The following FREM2 variants were observed in gnomAD, a reference collection of about 807,000 sequenced individuals.
The protein encoded by FREM2 is FRAS1-related extracellular matrix protein 2.
FREM2 carries 119 observed loss-of-function variants against 219.9 expected under a neutral mutation model. The observed-to-expected ratio is 0.54, with a 90% CI of 0.47 to 0.63. The LOEUF (loss-of-function observed/expected upper bound fraction) is 0.63. Ranked by LOEUF, FREM2 falls within the 30% of genes least tolerant of loss-of-function variation. The pLI is 0.00. For synonymous variants in FREM2, 1,562 were observed against 1,522.8 expected (o/e 1.03, Z -0.60); for missense variants, 4,030 against 3,993.6 (o/e 1.01, Z -0.25).
chr13:38,691,664 A>G lies in FREM2; in HGVS notation c.4320A>G (p.Thr1440=), dbSNP rs775485162. The G allele has an allele frequency of 6.2e-7, 1 of 1,614,062 alleles. No homozygotes were observed. The highest frequency in any genetic ancestry group is 8.5e-7 in the Non-Finnish European group (1 of 1,180,030). ...AAGAAGGTGGCAAAGTCACTCTTAC[A>G]ACAGACCTACTAAGCACTAGTGACT... The part of the protein sequence containing the change: ...SLKEGGKVTL[T]TDLLSTSDLN... The change falls in exon 1 of 24, where the codon ACA becomes ACG. Residue 1440 remains threonine, a synonymous_variant. Transcript: ENST00000280481.
intron 6 of FREM2, among the ~76,000 whole-genome samples, chr13:38,786,549 A>G (rs1405822026): frequency 6.6e-6 from 1 of 152,212 alleles, no homozygotes; most frequent in African/African-American, 2.4e-5. Context: ...TCATTTCAGA[A>G]AAATCTAATA....
chr13:38,797,342 C>T (rs775291835), intron 6 of FREM2, among the ~76,000 whole-genome samples: 4 of 152,060 alleles, frequency 2.6e-5, no homozygotes, highest in African/African-American at 9.6e-5. Flanking sequence ...TTTACATTTC[C>T]CTGATGCTTA....
chr13:38,832,662 T>C (rs911655026), intron 6 of FREM2, among the ~76,000 whole-genome samples: 1 of 152,126 alleles, frequency 6.6e-6, no homozygotes, highest in Non-Finnish European at 1.5e-5. Flanking sequence ...CAATATAACA[T>C]AAAATGTGCT....
rs777727874 is a variant in FREM2 at position 38,859,436 on chromosome 13, C to T, written c.7365C>T (p.Phe2455=). The change falls in exon 14 of 24, where the codon TTC becomes TTT. Residue 2455 remains phenylalanine, a synonymous_variant. Coordinates refer to ENST00000280481, the MANE Select transcript of FREM2 (RefSeq NM_207361.6). ...CCAGCCCTATGAGAGAAGTGGACTT[C>T]GACACCTTTTTTACGTCATCCAAGA... ...GVTSPMREVD[F]DTFFTSSKMV... is the part of the protein sequence containing the mutation. The T allele has an allele frequency of 7.4e-6, 12 of 1,613,980 alleles. No homozygotes were observed. Among genetic ancestry groups the T allele is most frequent in the East Asian group, 6.7e-5 (3 of 44,884 alleles).
intron 2 of FREM2, among the ~76,000 whole-genome samples, chr13:38,700,291 TG>T (rs1259663259): frequency 2.0e-5 from 3 of 152,110 alleles, no homozygotes; most frequent in African/African-American, 7.2e-5. Context: ...AATGGATTAG[TG>T]ACTATCCATT....
chr13:38,818,935 C>T (rs1875884325), intron 6 of FREM2, among the ~76,000 whole-genome samples: 1 of 151,922 alleles, frequency 6.6e-6, no homozygotes, highest in South Asian at 2.1e-4. Flanking sequence ...GTTCTCATCA[C>T]AAAGAGATAA....
chr13:38,821,943 T>C lies in FREM2; in HGVS notation c.6020-24630T>C, dbSNP rs1436185719. On this transcript the variant is annotated intron_variant, in intron 6 of 23. Transcript: ENST00000280481. ...GGCCAGTTCTCTTCCACACAAAGAA[T>C]GGAGGAGTCTGAATCATTGAGTGGG... 8.5e-5 allele frequency: 13 copies of C among 152,230 alleles called. No homozygotes were observed. The East Asian group carries it at 2.5e-3, about 30-fold the overall frequency. The allele number at this position is 152,230 out of a possible 1,614,324, so 9.4% of individuals were successfully genotyped here.
At chr13:38,697,101 G>A (rs1030750382) in intron 1 of FREM2, among the ~76,000 whole-genome samples, 7 of 152,016 alleles carry the variant, frequency 4.6e-5, no homozygotes, top group East Asian at 1.9e-4. Context: ...TGTCCAGCCC[G>A]TTTCCACTTT....
chr13:38,806,009 T>G (rs1875210900), intron 6 of FREM2, among the ~76,000 whole-genome samples: 1 of 151,882 alleles, frequency 6.6e-6, no homozygotes, highest in African/African-American at 2.4e-5. Context: ...CATCTTTTTT[T>G]TTTTTTGTAA....
intron 6 of FREM2, among the ~76,000 whole-genome samples, chr13:38,801,945 C>T (rs1013178137): frequency 6.6e-6 from 1 of 152,122 alleles, no homozygotes; most frequent in Non-Finnish European, 1.5e-5. Flanking sequence ...ATAGATTGGG[C>T]ACGCACATAT....
chr13:38,871,160 A>G (rs1423544593), intron 16 of FREM2, among the ~76,000 whole-genome samples: 2 of 152,150 alleles, frequency 1.3e-5, no homozygotes, highest in Admixed American at 6.5e-5. Context: ...TAACTACTAT[A>G]CTATACAGCT....
At chr13:38,806,028 G>A (rs1381851247) in intron 6 of FREM2, among the ~76,000 whole-genome samples, 5 of 149,022 alleles carry the variant, frequency 3.4e-5, no homozygotes, top group African/African-American at 4.9e-5. Flanking sequence ...AATAGTTTCC[G>A]GAGAAAGGTT....
chr13:38,700,455 T>G (rs187170568), intron 2 of FREM2, among the ~76,000 whole-genome samples: 4 of 152,238 alleles, frequency 2.6e-5, no homozygotes, highest in Non-Finnish European at 1.5e-5. Flanking sequence ...GTATTTGGAC[T>G]TAATACACGT....
At chr13:38,761,495 A>T (rs1873222882) in intron 2 of FREM2, among the ~76,000 whole-genome samples, 1 of 152,214 alleles carries the variant, frequency 6.6e-6, no homozygotes, top group African/African-American at 2.4e-5. Context: ...ATAATTTTTT[A>T]AAATATTTTT....
intron 23 of FREM2, among the ~76,000 whole-genome samples, chr13:38,879,604 G>A (rs1298255107): frequency 2.0e-5 from 3 of 152,212 alleles, no homozygotes; most frequent in Admixed American, 6.5e-5. Context: ...AAATTAACCC[G>A]ACAGGATGGC....
chr13:38,855,283 T>G (rs1297132072), intron 11 of FREM2, among the ~76,000 whole-genome samples: 1 of 152,212 alleles, frequency 6.6e-6, no homozygotes, highest in South Asian at 2.1e-4. Context: ...CAAAGAAGTC[T>G]TCTTGAAATA....
chr13:38,801,746 C>T (rs754656517), intron 6 of FREM2, among the ~76,000 whole-genome samples: 2 of 152,092 alleles, frequency 1.3e-5, no homozygotes, highest in African/African-American at 4.8e-5. Context: ...GCATGCCTGT[C>T]TGTAGGCCCC....
At chr13:38,714,007 T>C (rs1870882907) in intron 2 of FREM2, among the ~76,000 whole-genome samples, 1 of 152,234 alleles carries the variant, frequency 6.6e-6, no homozygotes. Context: ...ACAATAATGC[T>C]ACTGCTTGGA....
intron 4 of FREM2, among the ~76,000 whole-genome samples, chr13:38,777,935 C>T (rs201615236): frequency 2.0e-5 from 3 of 152,310 alleles, no homozygotes; most frequent in East Asian, 3.9e-4. Context: ...GCGAAGGGCA[C>T]AGCCCAGACA....
Sources: allele counts gnomAD v4.1 joint callset (sites outside exome capture counted in the v4.1 genomes callset), GRCh38; gene constraint gnomAD v4.1.1; transcripts MANE v1.5; gene names NCBI Gene and HGNC (gene_info 2026-07-23, HGNC 2026-07-21).